ZRSR2: variants seen among roughly 807,000 people sequenced by gnomAD.
ZRSR2 encodes zinc finger CCCH-type, RNA binding motif and serine/arginine rich 2, also known as U2 small nuclear ribonucleoprotein auxiliary factor 35 kDa subunit-related protein 2.
A neutral mutation model predicts 39.4 loss-of-function variants in ZRSR2; 3 were observed. The observed-to-expected ratio is 0.08, with a 90% confidence interval of 0.03 to 0.20. The LOEUF is 0.20. Among genes scored for constraint, ZRSR2 ranks in the 10% least tolerant of loss-of-function variants. The pLI is 1.00. For missense variants in ZRSR2, 256 were observed against 391.5 expected, an observed-to-expected ratio of 0.65 and a Z score of 2.92; for synonymous variants, 137 against 136.0, an observed-to-expected ratio of 1.01 and a Z score of -0.05.
At chrX:15,813,520 A>G (rs769287872) in intron 7 of ZRSR2, among the ~76,000 whole-genome samples, 1 of 112,191 alleles carries the variant, frequency 8.9e-6, no homozygotes, top group Non-Finnish European at 1.9e-5. Context: ...CCTTTTGTAT[A>G]CACTTAGATT....
intron 9 of ZRSR2, among the ~76,000 whole-genome samples, chrX:15,819,986 C>G (rs1933063488): frequency 8.9e-6 from 1 of 112,067 alleles, no homozygotes; most frequent in Non-Finnish European, 1.9e-5. Flanking sequence ...TCATTCAAGC[C>G]AATTTCCATG....
In ZRSR2 at chrX:15,808,285, C is replaced by A; in HGVS notation, c.438+14C>A. ...GCTGAAAATGAGGTATTTTTAAAAC[C>A]TTACATTGATAATTTGAGACCAATT... On this transcript the variant is annotated intron_variant, in intron 6 of 10. Coordinates refer to ENST00000307771, the MANE Select transcript of ZRSR2 (RefSeq NM_005089.4). 8.5e-7 allele frequency: 1 copy of A among 1,182,076 alleles called. No homozygotes were observed. The highest frequency in any genetic ancestry group is 1.8e-5 in the South Asian group (1 of 54,212).
At chrX:15,813,573 G>A (rs1020405305) in intron 7 of ZRSR2, among the ~76,000 whole-genome samples, 15 of 112,355 alleles carry the variant, frequency 1.3e-4, no homozygotes, top group African/African-American at 4.8e-4. Flanking sequence ...TCCCCAGACA[G>A]GGACTTTGGT....
intron 7 of ZRSR2, among the ~76,000 whole-genome samples, chrX:15,812,021 C>T (rs1932892301): frequency 9.0e-6 from 1 of 111,584 alleles, no homozygotes; most frequent in Non-Finnish European, 1.9e-5. Flanking sequence ...ACTCCGCCTC[C>T]TGGGTTCGCG....
At chrX:15,809,109 A>G (rs1932841883) in intron 6 of ZRSR2, 91 bp from the exon 7 acceptor site, 3 of 675,212 alleles carry the variant, frequency 4.4e-6, no homozygotes, top group South Asian at 2.4e-5. Flanking sequence ...AACAATGTTT[A>G]TCTTTGAGGA....
chrX:15,805,795 G>C (rs975360269), intron 5 of ZRSR2, among the ~76,000 whole-genome samples: 9 of 110,012 alleles, frequency 8.2e-5, no homozygotes, highest in Non-Finnish European at 1.5e-4. Flanking sequence ...GCCAGGCGTG[G>C]TGATGGGCGC....
chrX:15,819,193 C>T (rs1001124804), intron 9 of ZRSR2, among the ~76,000 whole-genome samples: 7 of 110,017 alleles, frequency 6.4e-5, no homozygotes, highest in Admixed American at 5.8e-4. Flanking sequence ...TAATATAAGC[C>T]GGGCATGGTG....
chrX:15,795,071 C>A (rs977739711), intron 2 of ZRSR2, among the ~76,000 whole-genome samples: 2 of 71,901 alleles, frequency 2.8e-5, no homozygotes, highest in African/African-American at 1.3e-4. Context: ...CCCTTCACCC[C>A]GACCCCCCTG....
In ZRSR2 at chrX:15,816,001, A is replaced by G. The variant is rs1204325232; in HGVS notation, c.771+111A>G. ...GGGGTCAGGCACGCTAGCACTCTAT[A>G]AATGTGACTTCCCTCTTTCTCTCTT... On this transcript the variant is annotated intron_variant, in intron 8 of 10. Transcript: ENST00000307771. 5.7e-6 allele frequency: 3 copies of G among 526,174 alleles called. No individual in the cohort carries two copies. The East Asian group carries it at 1.1e-4, about 20-fold the overall frequency. 43.4% of individuals were successfully genotyped at this position (526,174 alleles called of 1,213,427 possible).
chrX:15,812,059 A>G (rs1001604182), intron 7 of ZRSR2, among the ~76,000 whole-genome samples: 3 of 110,816 alleles, frequency 2.7e-5, no homozygotes, highest in Non-Finnish European at 5.7e-5. Flanking sequence ...CCTCCCGAGT[A>G]GCTGGGACCA....
At chrX:15,804,492 C>G (rs186181212) in intron 5 of ZRSR2, among the ~76,000 whole-genome samples, 8 of 111,339 alleles carry the variant, frequency 7.2e-5, no homozygotes, top group Middle Eastern at 4.6e-3. Context: ...ATGGTTTGGT[C>G]TCTGTGGCAA....
At position 15,790,516 on chromosome X, in the gene ZRSR2, G is replaced by A; in HGVS notation, c.21G>A (p.Met7Ile). MAAPEK[M>I]TFPEKPSHKK... ...GCAAGATGGCTGCGCCCGAGAAGAT[G>A]ACGTTTCCCGAGAAACCAAGGTAAG... Residue 7 changes from methionine (M) to isoleucine (I), a missense_variant, in exon 1 of 11, where the codon ATG (methionine) becomes ATA (isoleucine). Around this residue, in one of 3 missense-constraint regions of ZRSR2, gnomAD observed 87 missense variants for 111.7 expected, o/e 0.78. Transcript: ENST00000307771. 8.6e-7 allele frequency: 1 copy of A among 1,161,331 alleles called. No homozygotes were observed.
chrX:15,809,398 G>T, intron 7 of ZRSR2, 80 bp downstream of exon 7: 1 of 699,962 alleles, frequency 1.4e-6, no homozygotes, highest in Non-Finnish European at 2.2e-6. Flanking sequence ...TGGGAGAGGC[G>T]CATGTTTCCA....
chrX:15,808,819 C>G (rs1016884166), intron 6 of ZRSR2, among the ~76,000 whole-genome samples: 1 of 110,491 alleles, frequency 9.1e-6, no homozygotes, highest in Admixed American at 9.7e-5. Context: ...TGGGGTTTCT[C>G]CATGTTGGTC....
intron 4 of ZRSR2, 101 bp from the exon 5 acceptor site, chrX:15,804,010 T>C (rs1932753119): frequency 2.9e-6 from 3 of 1,019,663 alleles, no homozygotes; most frequent in Admixed American, 4.2e-5. Flanking sequence ...ACTGATCTTA[T>C]TCAGTTTGCC....
chrX:15,811,640 A>G (rs1932884801), intron 7 of ZRSR2, among the ~76,000 whole-genome samples: 2 of 111,943 alleles, frequency 1.8e-5, no homozygotes, highest in African/African-American at 6.5e-5. Context: ...GTTGGCCAGG[A>G]TGGTCTCGAT....
intron 9 of ZRSR2, among the ~76,000 whole-genome samples, 157 bp from the exon 10 acceptor site, chrX:15,820,041 ATTGGGAGCT>A (rs1322648766): frequency 8.9e-6 from 1 of 112,300 alleles, no homozygotes; most frequent in African/African-American, 3.2e-5. Flanking sequence ...TCCTGAATAA[ATTGGGAGCT>A]TTGGGAGCTT....
chrX:15,807,138 AATT>A (rs1932798445), intron 5 of ZRSR2, among the ~76,000 whole-genome samples: 1 of 112,004 alleles, frequency 8.9e-6, no homozygotes, highest in African/African-American at 3.2e-5. Context: ...ATTAGGTAGA[AATT>A]TACTGGCATA....
intron 3 of ZRSR2, 49 bp from the exon 4 acceptor site, chrX:15,803,639 G>A: frequency 8.6e-7 from 1 of 1,157,853 alleles, no homozygotes; most frequent in Non-Finnish European, 1.2e-6. Context: ...GTGTGTATTT[G>A]TGGATTAATG....
Sources: allele counts gnomAD v4.1 joint callset (sites outside exome capture counted in the v4.1 genomes callset), GRCh38; gene constraint gnomAD v4.1.1; regional missense constraint gnomAD v4.1.1; transcripts MANE v1.5; gene names NCBI Gene and HGNC (gene_info 2026-07-23, HGNC 2026-07-21).